Variants in PSD3 observed in about 807,000 individuals in gnomAD.
PSD3 encodes pleckstrin and Sec7 domain containing 3.
PSD3 carries 49 observed loss-of-function variants against 105.5 expected under a neutral mutation model. The ratio of observed to expected loss-of-function variants is 0.46; its 90% CI spans 0.37 to 0.59. PSD3 has a LOEUF of 0.59. Among genes scored for constraint, PSD3 ranks in the 20% least tolerant of loss-of-function variants. The probability of loss-of-function intolerance (pLI) is 0.00; values close to 1 mark genes in which losing one functional copy is unlikely to be tolerated. For synonymous variants in PSD3, 557 were observed against 457.8 expected (o/e 1.22, Z -2.77); for missense variants, 1,561 against 1,263.8 (o/e 1.24, Z -3.57).
At chr8:18,966,264 G>A (rs1007905917) in intron 1 of PSD3, among the ~76,000 whole-genome samples, 7 of 152,050 alleles carry the variant, frequency 4.6e-5, no homozygotes, top group African/African-American at 1.7e-4. Context: ...CCTATACTAG[G>A]CTGTCAAACA....
intron 11 of PSD3, among the ~76,000 whole-genome samples, chr8:18,630,985 G>C (rs1461762659): frequency 1.3e-5 from 2 of 151,932 alleles, no homozygotes; most frequent in Non-Finnish European, 2.9e-5. Flanking sequence ...GTACCTGTCA[G>C]AGGCCCTGGA....
intron 12 of PSD3, among the ~76,000 whole-genome samples, chr8:18,575,749 T>A (rs1385186395): frequency 1.3e-5 from 2 of 152,176 alleles, no homozygotes; most frequent in East Asian, 3.8e-4. Flanking sequence ...TCTGAAGATA[T>A]TACATGTTCC....
At chr8:18,655,901 A>C (rs551893107) in intron 9 of PSD3, among the ~76,000 whole-genome samples, 1 of 152,238 alleles carries the variant, frequency 6.6e-6, no homozygotes, top group African/African-American at 2.4e-5. Flanking sequence ...TCACAAAGTT[A>C]TAACTGTCTT....
At chr8:18,709,511 G>A (rs571095985) in intron 9 of PSD3, among the ~76,000 whole-genome samples, 15 of 152,332 alleles carry the variant, frequency 9.8e-5, no homozygotes, top group African/African-American at 2.9e-4. Flanking sequence ...GCTTCTTCAA[G>A]AGGGTCCCTG....
intron 9 of PSD3, among the ~76,000 whole-genome samples, chr8:18,743,468 T>C (rs1265836622): frequency 6.6e-6 from 1 of 152,120 alleles, no homozygotes; most frequent in Non-Finnish European, 1.5e-5. Context: ...GATAATGAGA[T>C]AACAAGGAGG....
chr8:18,823,814 ACC>A (rs869306691), intron 4 of PSD3, among the ~76,000 whole-genome samples: 1 of 149,102 alleles, frequency 6.7e-6, no homozygotes, highest in Non-Finnish European at 1.5e-5. Context: ...ACACACACAC[ACC>A]CCATTCCATG....
chr8:18,752,556 T>TA (rs1406258656), intron 9 of PSD3, among the ~76,000 whole-genome samples: 55 of 19,524 alleles, frequency 2.8e-3, no homozygotes, highest in Non-Finnish European at 3.7e-3. Context: ...TTATATATAA[T>TA]TATATATATT....
At chr8:18,973,822 A>C (rs1325419481) in intron 1 of PSD3, among the ~76,000 whole-genome samples, 1 of 152,194 alleles carries the variant, frequency 6.6e-6, no homozygotes, top group Non-Finnish European at 1.5e-5. Flanking sequence ...TAAACTATAG[A>C]ATATGAGTTA....
intron 2 of PSD3, among the ~76,000 whole-genome samples, chr8:18,926,116 T>TC (rs1354041811): frequency 6.6e-6 from 1 of 151,676 alleles, no homozygotes; most frequent in Non-Finnish European, 1.5e-5. Context: ...TATGTTGTTT[T>TC]TTTTTTTTAC....
At chr8:18,955,504 A>T (rs1263403245) in intron 1 of PSD3, among the ~76,000 whole-genome samples, 1 of 152,336 alleles carries the variant, frequency 6.6e-6, no homozygotes, top group Admixed American at 6.5e-5. Context: ...CATAACAATT[A>T]TTCATTTATC....
chr8:18,649,283 G>C (rs1255790674), intron 10 of PSD3, among the ~76,000 whole-genome samples: 1 of 152,220 alleles, frequency 6.6e-6, no homozygotes, highest in Non-Finnish European at 1.5e-5. Context: ...CCAAGGCCTT[G>C]GGAGCCCACT....
intron 2 of PSD3, among the ~76,000 whole-genome samples, chr8:18,890,991 A>G (rs959196124): frequency 2.6e-5 from 4 of 152,182 alleles, no homozygotes; most frequent in Non-Finnish European, 4.4e-5. Flanking sequence ...AGCCTGTGAT[A>G]GAAAGGAAAG....
At chr8:19,040,491 C>T (rs79282108) in intron 1 of PSD3, among the ~76,000 whole-genome samples, 9,317 of 152,228 alleles carry the variant, frequency 0.061, 950 homozygotes, top group African/African-American at 0.21. Flanking sequence ...TAGGCGTGAG[C>T]CACTGCATTT....
intron 11 of PSD3, among the ~76,000 whole-genome samples, chr8:18,619,190 A>T (rs1202803873): frequency 6.6e-6 from 1 of 152,078 alleles, no homozygotes; most frequent in Non-Finnish European, 1.5e-5. Flanking sequence ...AACCTAAAAA[A>T]CTGAATGCCT....
At chr8:18,727,555 C>CAT (rs1237407063) in intron 9 of PSD3, among the ~76,000 whole-genome samples, 24 of 122,186 alleles carry the variant, frequency 2.0e-4, no homozygotes, top group African/African-American at 9.6e-4. Flanking sequence ...AATCCAAACA[C>CAT]ACACACACAC....
chr8:18,536,050 G>A (rs1194906559), intron 15 of PSD3, 92 bp from the exon 16 acceptor site: 2 of 1,253,278 alleles, frequency 1.6e-6, no homozygotes, highest in Non-Finnish European at 2.3e-6. Context: ...TGGAGAGTGT[G>A]AATGGCTGTT....
intron 1 of PSD3, among the ~76,000 whole-genome samples, chr8:19,032,999 A>C (rs1276650830): frequency 1.3e-5 from 2 of 152,024 alleles, no homozygotes; most frequent in Non-Finnish European, 1.5e-5. Context: ...TATAATCCCT[A>C]CTTGGGAAGC....
At chr8:18,884,735 A>C (rs1034765395) in intron 2 of PSD3, among the ~76,000 whole-genome samples, 7 of 152,268 alleles carry the variant, frequency 4.6e-5, no homozygotes, top group Non-Finnish European at 7.3e-5. Context: ...AGTGATTAAT[A>C]GTTACAGCTG....
chr8:18,835,450 T>C (rs2410583), intron 4 of PSD3, among the ~76,000 whole-genome samples: 3 of 152,316 alleles, frequency 2.0e-5, no homozygotes, highest in Admixed American at 6.5e-5. Flanking sequence ...GCCTACTACA[T>C]ACTACATTCC....
Sources: allele counts gnomAD v4.1 joint callset (sites outside exome capture counted in the v4.1 genomes callset), GRCh38; gene constraint gnomAD v4.1.1; transcripts MANE v1.5; gene names NCBI Gene and HGNC (gene_info 2026-07-23, HGNC 2026-07-21).